The following PRDM5 variants were observed in gnomAD, a reference collection of about 807,000 sequenced individuals.
PRDM5 encodes PR/SET domain 5, also known as PR domain zinc finger protein 5.
A neutral mutation model predicts 81.2 loss-of-function variants in PRDM5; 56 were observed. The observed-to-expected ratio is 0.69, with a 90% CI of 0.56 to 0.86. The LOEUF (loss-of-function observed/expected upper bound fraction) is 0.86, where lower values mean the gene tolerates loss of function less well. PRDM5 is among the 40% of genes least tolerant of loss of function. The probability of loss-of-function intolerance (pLI) is 0.00; values close to 1 mark genes in which losing one functional copy is unlikely to be tolerated. For synonymous variants in PRDM5, 267 were observed against 256.4 expected (o/e 1.04, Z -0.39); for missense variants, 697 against 770.1 (o/e 0.91, Z 1.12).
At chr4:120,872,675 G>A (rs1761955358) in intron 2 of PRDM5, among the ~76,000 whole-genome samples, 2 of 152,074 alleles carry the variant, frequency 1.3e-5, no homozygotes, top group African/African-American at 4.8e-5. Context: ...GATGGCTTGA[G>A]CACAGGAATT....
rs115761168 is a variant in PRDM5 at position 120,786,263 on chromosome 4, G to T, written c.1189-1172C>A. 1.4e-4 allele frequency among the ~76,000 whole-genome samples: 22 copies of T among 152,158 alleles called. No homozygotes were observed. In the East Asian group the frequency reaches 3.5e-3, roughly 24 times the overall value. ...GGTGAGAAAGACATTTTCATGTTTG[G>T]TTTTATTTGTGAAAGATATAGAGAA... On this transcript the variant is annotated intron_variant, in intron 10 of 15. Coordinates refer to ENST00000264808, the MANE Select transcript of PRDM5 (RefSeq NM_018699.4).
intron 3 of PRDM5, among the ~76,000 whole-genome samples, chr4:120,833,118 A>G (rs1361894272): frequency 2.6e-5 from 4 of 152,146 alleles, no homozygotes; most frequent in East Asian, 3.8e-4. Flanking sequence ...TCTTATCTGC[A>G]CTTTCGCTTT....
chr4:120,740,451 C>G (rs1037799994), intron 14 of PRDM5, among the ~76,000 whole-genome samples: 1 of 152,168 alleles, frequency 6.6e-6, no homozygotes, highest in Admixed American at 6.5e-5. Context: ...CGCTCCTCCC[C>G]TCCTTCCTCT....
At chr4:120,852,210 C>G (rs1561489935) in intron 3 of PRDM5, among the ~76,000 whole-genome samples, 2 of 152,094 alleles carry the variant, frequency 1.3e-5, no homozygotes, top group Non-Finnish European at 2.9e-5. Context: ...TGCTAGGATA[C>G]AGGGAAATGG....
chr4:120,762,087 C>G (rs1474348475), intron 13 of PRDM5, among the ~76,000 whole-genome samples: 1 of 152,056 alleles, frequency 6.6e-6, no homozygotes, highest in African/African-American at 2.4e-5. Context: ...TTTCAATAAG[C>G]ATTTTAATAA....
chr4:120,802,614 A>G (rs2149295881), intron 8 of PRDM5, among the ~76,000 whole-genome samples: 1 of 152,362 alleles, frequency 6.6e-6, no homozygotes, highest in Non-Finnish European at 1.5e-5. Context: ...GTGGACCTCC[A>G]GCAAACTCCA....
chr4:120,851,598 G>A (rs1759284448), intron 3 of PRDM5, among the ~76,000 whole-genome samples: 1 of 152,008 alleles, frequency 6.6e-6, no homozygotes. Context: ...TGTTTAGTAA[G>A]AGTCATCTCT....
At chr4:120,743,652 T>G in intron 14 of PRDM5, among the ~76,000 whole-genome samples, 1 of 90,340 alleles carries the variant, frequency 1.1e-5, no homozygotes, top group Non-Finnish European at 2.2e-5. Context: ...AAAACAGACT[T>G]TAAACCAACA....
At chr4:120,712,089 C>G (rs1173777134) in intron 14 of PRDM5, among the ~76,000 whole-genome samples, 2 of 151,980 alleles carry the variant, frequency 1.3e-5, no homozygotes. Context: ...AGTTTGAGAC[C>G]AGCCTGGCCA....
intron 2 of PRDM5, among the ~76,000 whole-genome samples, chr4:120,878,037 A>G (rs974636031): frequency 6.6e-6 from 1 of 152,226 alleles, no homozygotes; most frequent in Non-Finnish European, 1.5e-5. Context: ...AAAATCTCAA[A>G]CAGATATTAT....
chr4:120,728,459 A>T (rs116608090), intron 14 of PRDM5, among the ~76,000 whole-genome samples: 5,668 of 151,990 alleles, frequency 0.037, 138 homozygotes, highest in African/African-American at 0.065. Flanking sequence ...ACATATATAT[A>T]TTTTTTTCTG....
chr4:120,701,729 G>C (rs1279894603), intron 15 of PRDM5, among the ~76,000 whole-genome samples: 2 of 152,032 alleles, frequency 1.3e-5, no homozygotes, highest in Non-Finnish European at 2.9e-5. Context: ...CTCAGTACCT[G>C]GCTGATGGGA....
intron 9 of PRDM5, among the ~76,000 whole-genome samples, chr4:120,799,320 TA>T (rs1295970746): frequency 6.6e-6 from 1 of 152,206 alleles, no homozygotes; most frequent in Non-Finnish European, 1.5e-5. Flanking sequence ...GCACAGTACC[TA>T]AATGATCTCA....
chr4:120,695,407 T>C, intron 15 of PRDM5, 132 bp from the exon 16 acceptor site: 1 of 992,750 alleles, frequency 1.0e-6, no homozygotes, highest in Non-Finnish European at 1.5e-6. Flanking sequence ...TGTACCCGAG[T>C]CACCCTTCCC....
At chr4:120,744,532 A>G (rs961967068) in intron 14 of PRDM5, among the ~76,000 whole-genome samples, 1 of 152,120 alleles carries the variant, frequency 6.6e-6, no homozygotes, top group African/African-American at 2.4e-5. Flanking sequence ...ATAGACCGCT[A>G]GCAAGACTAA....
At chr4:120,755,528 T>TCTAC (rs1418535468) in intron 13 of PRDM5, among the ~76,000 whole-genome samples, 10 of 150,914 alleles carry the variant, frequency 6.6e-5, no homozygotes, top group African/African-American at 2.4e-4. Context: ...GAGCCAGGCC[T>TCTAC]TCTGACTAGC....
chr4:120,816,822 G>C lies in PRDM5; in HGVS notation c.743+10C>G. On this transcript the variant is annotated intron_variant, in intron 6 of 15. Coordinates refer to ENST00000264808, the MANE Select transcript of PRDM5 (RefSeq NM_018699.4). The stretch of plus-strand genomic sequence containing the variant: ...TATATAACAGCCATTTCATAACTCA[G>C]ACACAAAACCTCGATGCTGAACTGA... 2 of 1,609,974 alleles carry C rather than the reference G, an allele frequency of 1.2e-6. No individual in the cohort carries two copies. Among genetic ancestry groups the C allele is most frequent in the Non-Finnish European group, 1.7e-6 (2 of 1,176,272 alleles).
chr4:120,800,510 C>T (rs1424578326), intron 8 of PRDM5, among the ~76,000 whole-genome samples: 2 of 114,346 alleles, frequency 1.7e-5, no homozygotes, highest in Non-Finnish European at 1.7e-5. Flanking sequence ...GAGTGAGACT[C>T]GGTCTCAAAA....
chr4:120,764,461 T>G (rs558677766), intron 13 of PRDM5, among the ~76,000 whole-genome samples: 8 of 152,244 alleles, frequency 5.3e-5, no homozygotes, highest in African/African-American at 1.9e-4. Context: ...CCTCTGATAT[T>G]TTTGAAGAAA....
Sources: allele counts gnomAD v4.1 joint callset (sites outside exome capture counted in the v4.1 genomes callset), GRCh38; gene constraint gnomAD v4.1.1; transcripts MANE v1.5; gene names NCBI Gene and HGNC (gene_info 2026-07-23, HGNC 2026-07-21).